The following SIAH3 variants were observed in gnomAD, a reference collection of about 807,000 sequenced individuals.
SIAH3 encodes seven in absentia homolog 3.
In SIAH3, 9 loss-of-function variants were observed where a neutral mutation model predicts 12.6. The ratio of observed to expected loss-of-function variants is 0.72; its 90% CI spans 0.43 to 1.25. The LOEUF (loss-of-function observed/expected upper bound fraction) is 1.25. Among genes scored for constraint, SIAH3 ranks in the 50% most tolerant of loss-of-function variants. The probability of loss-of-function intolerance (pLI) is 0.00; values close to 1 mark genes in which losing one functional copy is unlikely to be tolerated. For missense variants in SIAH3, 390 were observed against 365.4 expected, an observed-to-expected ratio of 1.07 and a Z score of -0.55; for synonymous variants, 154 against 151.1, an observed-to-expected ratio of 1.02 and a Z score of -0.14.
chr13:45,789,357 C>CATCT (rs67992215), intron 1 of SIAH3, among the ~76,000 whole-genome samples: 5,647 of 106,882 alleles, frequency 0.053, 138 homozygotes, highest in East Asian at 0.12. Context: ...GTGTATCTAT[C>CATCT]ATCTATCTAT....
intron 1 of SIAH3, among the ~76,000 whole-genome samples, chr13:45,830,684 C>T (rs1193186000): frequency 6.6e-6 from 1 of 152,180 alleles, no homozygotes; most frequent in Non-Finnish European, 1.5e-5. Context: ...TAAACTTGCT[C>T]CCAGCTCTTC....
At chr13:45,799,795 C>T (rs1431195102) in intron 1 of SIAH3, among the ~76,000 whole-genome samples, 1 of 152,190 alleles carries the variant, frequency 6.6e-6, no homozygotes, top group Admixed American at 6.5e-5. Context: ...CTTTTCCCTG[C>T]CAACCAGCTT....
At chr13:45,802,069 G>A (rs1467516317) in intron 1 of SIAH3, among the ~76,000 whole-genome samples, 1 of 152,142 alleles carries the variant, frequency 6.6e-6, no homozygotes, top group East Asian at 1.9e-4. Context: ...CACTTTGGGA[G>A]GCTGAAGCGG....
chr13:45,794,785 T>C (rs764926621), intron 1 of SIAH3, among the ~76,000 whole-genome samples: 1 of 152,146 alleles, frequency 6.6e-6, no homozygotes, highest in Non-Finnish European at 1.5e-5. Flanking sequence ...GTGTCTTTAT[T>C]AGCAGCGAGA....
Position 45,791,501 on chromosome 13 carries a change from GGT to G in SIAH3, c.136-7446_136-7445del, listed in dbSNP as rs145679967. Among the ~76,000 whole-genome samples the G allele has an allele frequency of 3.3e-5, 5 of 151,562 alleles. No individual in the cohort carries two copies. The East Asian group carries it at 5.8e-4, about 18-fold the overall frequency. On this transcript the variant is annotated intron_variant, in intron 1 of 1. Transcript: ENST00000400405. ...TCCATCTCAGGTGCTATAGAAATAT[GGT>G]GTGTGTGTGTGTGGCCAAGTGTCCA...
At chr13:45,816,705 T>C (rs752933343) in intron 1 of SIAH3, among the ~76,000 whole-genome samples, 23 of 152,218 alleles carry the variant, frequency 1.5e-4, no homozygotes, top group Non-Finnish European at 1.9e-4. Flanking sequence ...TTCTCTTCAC[T>C]CTGGGCAGCA....
chr13:45,810,306 C>A (rs1950612056), intron 1 of SIAH3, among the ~76,000 whole-genome samples: 1 of 152,208 alleles, frequency 6.6e-6, no homozygotes. Context: ...TCCTGTTCAG[C>A]ACCAGTGCCT....
intron 1 of SIAH3, 29 bp downstream of exon 1, chr13:45,851,466 G>A (rs934525378): frequency 1.9e-6 from 3 of 1,612,996 alleles, no homozygotes; most frequent in African/African-American, 1.3e-5. Flanking sequence ...ACCTGAGCCC[G>A]GTGAAGGTAA....
rs373907621 is a variant in SIAH3 at position 45,783,520 on chromosome 13, C to T, written c.673G>A (p.Val225Met). Reference sequence around the variant, plus strand: ...TCCCCGTCCGTAATCACCGAGTCCACGCACTCAAGAACAGACCGGGGCGTG... The same window carrying T: ...TCCCCGTCCGTAATCACCGAGTCCATGCACTCAAGAACAGACCGGGGCGTG... ...EATPRSVLECVDSVITDGDCL... is the reference protein window; with the variant it reads ...EATPRSVLECMDSVITDGDCL... Residue 225 changes from valine (V) to methionine (M), a missense_variant, in exon 2 of 2, where the codon GTG (valine) becomes ATG (methionine). Physicochemically the swap from Val to Met is conservative, Grantham distance 21. Transcript: ENST00000400405. The T allele has an allele frequency of 2.5e-5, 41 of 1,614,092 alleles. No homozygotes were observed. Among genetic ancestry groups the T allele is most frequent in the Non-Finnish European group, 3.1e-5 (36 of 1,180,054 alleles).
At chr13:45,799,373 G>A (rs77308954) in intron 1 of SIAH3, among the ~76,000 whole-genome samples, 4,635 of 152,246 alleles carry the variant, frequency 0.03, 112 homozygotes, top group Non-Finnish European at 0.048. Flanking sequence ...GGAGGAATGC[G>A]TTAAAATGTG....
chr13:45,830,289 C>G (rs2137576119), intron 1 of SIAH3, among the ~76,000 whole-genome samples: 2 of 152,296 alleles, frequency 1.3e-5, no homozygotes, highest in East Asian at 3.9e-4. Flanking sequence ...AAAGAGTGAG[C>G]CTGGATACCT....
chr13:45,793,317 T>C (rs551703433), intron 1 of SIAH3, among the ~76,000 whole-genome samples: 1 of 152,214 alleles, frequency 6.6e-6, no homozygotes, highest in African/African-American at 2.4e-5. Context: ...CCAGGCCACA[T>C]GCCATCCTTG....
intron 1 of SIAH3, among the ~76,000 whole-genome samples, chr13:45,805,064 C>A (rs1333175842): frequency 1.3e-5 from 2 of 149,184 alleles, no homozygotes; most frequent in South Asian, 2.1e-4. Flanking sequence ...ACAAGGAGAA[C>A]TACAAAACAC....
intron 1 of SIAH3, among the ~76,000 whole-genome samples, chr13:45,850,478 A>T (rs1273791771): frequency 6.6e-6 from 1 of 152,122 alleles, no homozygotes; most frequent in Non-Finnish European, 1.5e-5. Flanking sequence ...TGCCTTACAC[A>T]GGAGTACAGG....
chr13:45,821,220 T>C (rs1438335268), intron 1 of SIAH3, among the ~76,000 whole-genome samples: 3 of 152,158 alleles, frequency 2.0e-5, no homozygotes, highest in Non-Finnish European at 4.4e-5. Context: ...ATAGAAAAGA[T>C]GATGTGAGGA....
At chr13:45,792,888 T>C (rs1445725039) in intron 1 of SIAH3, among the ~76,000 whole-genome samples, 1 of 152,240 alleles carries the variant, frequency 6.6e-6, no homozygotes, top group Non-Finnish European at 1.5e-5. Flanking sequence ...AGTGTGCTAA[T>C]GAGTCTAATC....
intron 1 of SIAH3, among the ~76,000 whole-genome samples, chr13:45,837,500 GAA>G (rs889862401): frequency 2.6e-4 from 38 of 147,612 alleles, no homozygotes; most frequent in Admixed American, 5.5e-4. Flanking sequence ...GAAAAAGAAA[GAA>G]AGAAAAATAC....
chr13:45,814,238 CAAAA>C (rs56377017), intron 1 of SIAH3, among the ~76,000 whole-genome samples: 2 of 72,722 alleles, frequency 2.8e-5, no homozygotes, highest in Admixed American at 1.6e-4. Context: ...GACTCTGTCT[CAAAA>C]AAAAAAAAAA....
intron 1 of SIAH3, among the ~76,000 whole-genome samples, chr13:45,827,542 G>T (rs1385580324): frequency 6.6e-6 from 1 of 152,174 alleles, no homozygotes; most frequent in African/African-American, 2.4e-5. Context: ...CAGTCCAGGA[G>T]GTCACAGAGT....
Sources: allele counts gnomAD v4.1 joint callset (sites outside exome capture counted in the v4.1 genomes callset), GRCh38; gene constraint gnomAD v4.1.1; transcripts MANE v1.5; gene names NCBI Gene and HGNC (gene_info 2026-07-23, HGNC 2026-07-21).